The following RBFOX3 variants were observed in gnomAD, a reference collection of about 807,000 sequenced individuals.
RBFOX3 encodes RNA binding protein fox-1 homolog 3.
A neutral mutation model predicts 48.7 loss-of-function variants in RBFOX3; 17 were observed. The ratio of observed to expected loss-of-function variants is 0.35; its 90% CI spans 0.24 to 0.52. The LOEUF (loss-of-function observed/expected upper bound fraction) is 0.52, where lower values mean the gene tolerates loss of function less well. RBFOX3 is among the 20% of genes least tolerant of loss of function. RBFOX3 has a pLI of 0.94. For missense variants in RBFOX3, 382 were observed against 497.5 expected (o/e 0.77, Z 2.21); for synonymous variants, 212 against 209.5 (o/e 1.01, Z -0.10).
the RBFOX3 span, among the ~76,000 whole-genome samples, chr17:79,648,347 G>A: frequency 2.9e-4 from 44 of 152,240 alleles, no homozygotes; most frequent in East Asian, 1.9e-4. Flanking sequence ...CTAACTCACG[G>A]GCACGTCCTC....
intron 3 of RBFOX3, among the ~76,000 whole-genome samples, chr17:79,260,999 C>G (rs1185049066): frequency 6.6e-6 from 1 of 152,068 alleles, no homozygotes; most frequent in Non-Finnish European, 1.5e-5. Flanking sequence ...CTCCCTCCCT[C>G]CCGTCCTGGG....
At chr17:79,502,747 C>T (rs1438476598) in intron 1 of RBFOX3, among the ~76,000 whole-genome samples, 10 of 152,300 alleles carry the variant, frequency 6.6e-5, no homozygotes, top group South Asian at 2.1e-4. Flanking sequence ...TCACTCATGC[C>T]GTGGAAAAGC....
chr17:79,329,046 C>T (rs1048276653), intron 2 of RBFOX3, among the ~76,000 whole-genome samples: 2 of 152,050 alleles, frequency 1.3e-5, no homozygotes, highest in African/African-American at 4.8e-5. Context: ...ACCCACGTGG[C>T]CAGGAGGGAC....
chr17:79,182,562 G>A (rs1006116581), intron 4 of RBFOX3, among the ~76,000 whole-genome samples: 1 of 151,772 alleles, frequency 6.6e-6, no homozygotes, highest in African/African-American at 2.4e-5. Context: ...CCGGCGGGCA[G>A]GCGGCTGCTG....
intron 2 of RBFOX3, among the ~76,000 whole-genome samples, chr17:79,403,773 GTTCT>G (rs1470879260): frequency 1.4e-5 from 2 of 138,472 alleles, no homozygotes; most frequent in African/African-American, 5.2e-5. Flanking sequence ...GCTCCCAGAT[GTTCT>G]TTTTCTTTTT....
chr17:79,371,006 GTT>G (rs2058465313), intron 2 of RBFOX3, among the ~76,000 whole-genome samples: 9 of 152,032 alleles, frequency 5.9e-5, no homozygotes, highest in Admixed American at 3.3e-4. Flanking sequence ...CCGGTAGGGG[GTT>G]AGGGAGGGAA....
rs1250953752 is a variant in RBFOX3 at position 79,363,561 on chromosome 17, G to C, written c.-174-55737C>G. Among the ~76,000 whole-genome samples the C allele has an allele frequency of 6.6e-6, 1 of 151,988 alleles. No homozygotes were observed. The highest frequency in any genetic ancestry group is 1.5e-5 in the Non-Finnish European group (1 of 67,964). On this transcript the variant is annotated intron_variant, in intron 2 of 14. Transcript: ENST00000693108. This position sits in a 1 kb window ranked among gnomAD's most constrained non-coding sequence, Gnocchi z 4.7. ...AACACAAGGCTCAATTCCCCTTCCTGTTCCTGCCCAGCTTCCCTGGGGGGT... is the reference window on the plus strand; with the variant it reads ...AACACAAGGCTCAATTCCCCTTCCTCTTCCTGCCCAGCTTCCCTGGGGGGT...
chr17:79,377,699 C>T (rs1429466944), intron 2 of RBFOX3, among the ~76,000 whole-genome samples: 2 of 152,188 alleles, frequency 1.3e-5, no homozygotes, highest in Non-Finnish European at 2.9e-5. Context: ...GGGCTTGGGA[C>T]ACCGCTTGGG....
intron 2 of RBFOX3, among the ~76,000 whole-genome samples, chr17:79,371,552 C>T (rs539727382): frequency 6.6e-6 from 1 of 152,290 alleles, no homozygotes; most frequent in African/African-American, 2.4e-5. Context: ...TGACACCACT[C>T]TGTTTAAAGA....
chr17:79,581,263 A>AAACC (rs1483608218), intron 1 of RBFOX3, among the ~76,000 whole-genome samples: 1 of 151,854 alleles, frequency 6.6e-6, no homozygotes, highest in African/African-American at 2.4e-5. Flanking sequence ...AAAACAAAAC[A>AAACC]AACAAAAAAA....
intron 1 of RBFOX3, among the ~76,000 whole-genome samples, chr17:79,594,566 CACACA>C (rs2093516832): frequency 6.6e-6 from 1 of 152,204 alleles, no homozygotes; most frequent in African/African-American, 2.4e-5. Flanking sequence ...GGACTCGAGC[CACACA>C]AACCCAGCAC....
intron 1 of RBFOX3, among the ~76,000 whole-genome samples, chr17:79,526,787 TAGAC>T (rs1228403410): frequency 4.6e-5 from 7 of 152,338 alleles, no homozygotes; most frequent in Middle Eastern, 3.4e-3. Flanking sequence ...GAGTTTTGTA[TAGAC>T]AGTGATTCAC....
intron 4 of RBFOX3, among the ~76,000 whole-genome samples, chr17:79,218,888 C>T (rs2072492896): frequency 6.6e-6 from 1 of 152,226 alleles, no homozygotes; most frequent in Admixed American, 6.5e-5. Flanking sequence ...GCAGAGTCAG[C>T]AAAGCACAGC....
the RBFOX3 span, among the ~76,000 whole-genome samples, chr17:79,620,649 G>GCACA: frequency 6.8e-6 from 1 of 146,794 alleles, no homozygotes; most frequent in Non-Finnish European, 1.5e-5. Context: ...GCACACACAC[G>GCACA]GACATGCACA....
At chr17:79,129,881 G>A (rs1568186855) in intron 4 of RBFOX3, among the ~76,000 whole-genome samples, 2 of 152,170 alleles carry the variant, frequency 1.3e-5, no homozygotes, top group Non-Finnish European at 2.9e-5. Flanking sequence ...AGGAATGGGC[G>A]GACCTGCCCC....
chr17:79,222,282 A>G (rs919665455), intron 4 of RBFOX3, among the ~76,000 whole-genome samples: 3 of 151,710 alleles, frequency 2.0e-5, no homozygotes, highest in Admixed American at 1.3e-4. Flanking sequence ...ATGCCAAGGA[A>G]CCAGCCCTGG....
At chr17:79,091,786 C>A (rs1224996881) in intron 14 of RBFOX3, among the ~76,000 whole-genome samples, 1 of 152,226 alleles carries the variant, frequency 6.6e-6, no homozygotes, top group Non-Finnish European at 1.5e-5. Flanking sequence ...GCTGGCCTGG[C>A]CTTGGCCCTG....
At chr17:79,508,275 C>G (rs1482233828) in intron 1 of RBFOX3, among the ~76,000 whole-genome samples, 1 of 152,178 alleles carries the variant, frequency 6.6e-6, no homozygotes, top group Non-Finnish European at 1.5e-5. Flanking sequence ...TCCTCCAGCA[C>G]AGGGGCCTTC....
At position 79,172,670 on chromosome 17, in the gene RBFOX3, C is replaced by T. The variant is rs145311840; in HGVS notation, c.-33-56922G>A. On this transcript the variant is annotated intron_variant, in intron 4 of 14. Coordinates refer to ENST00000693108, the MANE Select transcript of RBFOX3 (RefSeq NM_001350451.2). ...TCCAACAGAAAAGAATGTTCTAGAT[C>T]GGCCAGTACGTTAACCAGGAGACCC... is the stretch of plus-strand genomic sequence containing the variant. Among the ~76,000 whole-genome samples the T allele has an allele frequency of 7.8e-3, 1,184 of 152,298 alleles. 18 individuals carry two copies. The highest frequency in any genetic ancestry group is 0.027 in the African/African-American group (1,132 of 41,574).
Sources: gnomAD v4.1 joint callset for allele counts (sites outside exome capture counted in the v4.1 genomes callset) on GRCh38, gnomAD v4.1.1 for gene constraint, Gnocchi (gnomAD v3.1) non-coding constraint, MANE v1.5 for transcripts, NCBI Gene and HGNC (gene_info 2026-07-23, HGNC 2026-07-21) for gene names.